FAM135B: variants seen among roughly 807,000 people sequenced by gnomAD.
FAM135B encodes the protein family with sequence similarity 135 member B.
FAM135B carries 43 observed loss-of-function variants against 127.7 expected under a neutral mutation model. That is an observed-to-expected ratio of 0.34 (90% CI 0.26 to 0.43). The LOEUF is 0.43. Ranked by LOEUF, FAM135B falls within the 20% of genes least tolerant of loss-of-function variation. FAM135B has a pLI of 1.00. For missense variants in FAM135B, 1,558 were observed against 1,725.6 expected, an observed-to-expected ratio of 0.90 and a Z score of 1.72; for synonymous variants, 670 against 665.1, an observed-to-expected ratio of 1.01 and a Z score of -0.11.
Position 138,395,580 on chromosome 8 carries a change from T to C in FAM135B, c.-19-27578A>G, listed in dbSNP as rs151172634. On this transcript the variant is annotated intron_variant, in intron 1 of 19. Transcript: ENST00000395297. Reference sequence around the variant, plus strand: ...GCAAAGATGGGATTAATTTAGTCTTTCTAGGTCCCAAGTGGGTCTCCTTGG... The same window carrying C: ...GCAAAGATGGGATTAATTTAGTCTTCCTAGGTCCCAAGTGGGTCTCCTTGG... Among the ~76,000 whole-genome samples, 190 of 152,296 alleles carry C rather than the reference T, an allele frequency of 1.2e-3. 2 individuals carry two copies. Among genetic ancestry groups the C allele is most frequent in the African/African-American group, 4.3e-3 (179 of 41,558 alleles).
rs2130738807 is a variant in FAM135B, at chr8:138,151,682, T to C, written c.2793A>G (p.Gln931=). Reference sequence around the variant, plus strand: ...TACAGCTCAATTCAGGCACCTGATGTTGAGAGAGACCCTCAACCTCTGAGA... The same window carrying C: ...TACAGCTCAATTCAGGCACCTGATGCTGAGAGAGACCCTCAACCTCTGAGA... The part of the protein sequence containing the change: ...SGISEVEGLS[Q]HQVPELSCTS... The change falls in exon 13 of 20, where the codon CAA becomes CAG. Residue 931 remains glutamine (Q), a synonymous_variant. Coordinates refer to ENST00000395297, the MANE Select transcript of FAM135B (RefSeq NM_015912.4). 6.2e-7 allele frequency: 1 copy of C among 1,614,196 alleles called. No individual in the cohort carries two copies. The highest frequency in any genetic ancestry group is 8.5e-7 in the Non-Finnish European group (1 of 1,180,048).
At chr8:138,206,486 GCTCTATCATCCCCTCGACCTACCCACA>G (rs1817637307) in intron 7 of FAM135B, among the ~76,000 whole-genome samples, 1 of 10,370 alleles carries the variant, frequency 9.6e-5, no homozygotes, top group African/African-American at 3.5e-4. Flanking sequence ...CCTACACACA[GCTCTATCATCCCCTCGACCTACCCACA>G]GCTCTATCAT....
chr8:138,378,739 T>C (rs2131273896), intron 1 of FAM135B, among the ~76,000 whole-genome samples: 1 of 152,248 alleles, frequency 6.6e-6, no homozygotes, highest in Admixed American at 6.5e-5. Flanking sequence ...GTTTGCTTTT[T>C]TTTTTTCACA....
At chr8:138,478,592 T>C (rs1037270255) in intron 1 of FAM135B, among the ~76,000 whole-genome samples, 2 of 152,120 alleles carry the variant, frequency 1.3e-5, no homozygotes, top group African/African-American at 4.8e-5. Context: ...CAACATAGTG[T>C]TGAAGGGTGC....
intron 1 of FAM135B, among the ~76,000 whole-genome samples, chr8:138,445,072 C>G (rs563169739): frequency 6.6e-6 from 1 of 151,164 alleles, no homozygotes; most frequent in African/African-American, 2.4e-5. Context: ...ATAAATTCCT[C>G]GACACATACA....
At chr8:138,225,473 AC>A (rs1819351245) in intron 7 of FAM135B, among the ~76,000 whole-genome samples, 2 of 147,676 alleles carry the variant, frequency 1.4e-5, no homozygotes, top group South Asian at 2.1e-4. Flanking sequence ...AAACAAAAAA[AC>A]AAAAAAAACA....
At chr8:138,473,725 C>T (rs1814211135) in intron 1 of FAM135B, among the ~76,000 whole-genome samples, 1 of 152,100 alleles carries the variant, frequency 6.6e-6, no homozygotes, top group South Asian at 2.1e-4. Context: ...GAGATCAGCC[C>T]AGTCACCAGC....
intron 3 of FAM135B, among the ~76,000 whole-genome samples, chr8:138,309,734 C>T (rs1430590493): frequency 2.0e-5 from 3 of 152,236 alleles, no homozygotes; most frequent in South Asian, 2.1e-4. Context: ...ACTCTTAGCT[C>T]TACTGAACTG....
At chr8:138,170,381 C>A (rs1209481586) in intron 11 of FAM135B, among the ~76,000 whole-genome samples, 2 of 152,028 alleles carry the variant, frequency 1.3e-5, no homozygotes, top group African/African-American at 2.4e-5. Flanking sequence ...TGCCATCACA[C>A]CTGGCTAATT....
chr8:138,434,582 T>C (rs1835362471), intron 1 of FAM135B, among the ~76,000 whole-genome samples: 1 of 152,194 alleles, frequency 6.6e-6, no homozygotes, highest in Non-Finnish European at 1.5e-5. Flanking sequence ...CCAGCTTACC[T>C]AGCTACAGTG....
chr8:138,166,328 T>C (rs931818191), intron 12 of FAM135B, among the ~76,000 whole-genome samples: 19 of 152,214 alleles, frequency 1.2e-4, no homozygotes, highest in African/African-American at 4.6e-4. Context: ...CTTGACCTCT[T>C]GCCCACTCCC....
chr8:138,266,777 T>TAC (rs754336924), intron 3 of FAM135B, among the ~76,000 whole-genome samples: 1,755 of 7,446 alleles, frequency 0.24, 51 homozygotes, highest in Admixed American at 0.46. Context: ...TACATATATA[T>TAC]ACACACACAC....
chr8:138,287,146 A>T (rs1033955004), intron 3 of FAM135B, among the ~76,000 whole-genome samples: 2 of 152,222 alleles, frequency 1.3e-5, no homozygotes, highest in Non-Finnish European at 2.9e-5. Context: ...TTTCTACATG[A>T]TATACCCAAA....
intron 4 of FAM135B, 30 bp downstream of exon 4, chr8:138,265,673 C>T (rs1182038389): frequency 6.2e-7 from 1 of 1,612,962 alleles, no homozygotes; most frequent in Non-Finnish European, 8.5e-7. Flanking sequence ...GGAACAGCTA[C>T]TTGTGGCTGG....
At chr8:138,226,938 C>T (rs1010041342) in intron 7 of FAM135B, among the ~76,000 whole-genome samples, 5 of 152,196 alleles carry the variant, frequency 3.3e-5, no homozygotes, top group African/African-American at 1.2e-4. Flanking sequence ...CTCAAATGAT[C>T]TGCCTGCTTC....
intron 1 of FAM135B, chr8:138,441,682 C>T (rs1002934645): frequency 1.3e-5 from 2 of 152,038 alleles, no homozygotes; most frequent in Non-Finnish European, 2.9e-5. Context: ...TCTTTTGTGA[C>T]TTCCCTTCCA....
intron 4 of FAM135B, among the ~76,000 whole-genome samples, chr8:138,259,995 T>G (rs774503088): frequency 2.0e-5 from 3 of 152,206 alleles, no homozygotes; most frequent in Non-Finnish European, 4.4e-5. Context: ...AGGGTCTCTT[T>G]GCAGGAGCCA....
chr8:138,417,604 C>A (rs1834241223), intron 1 of FAM135B, among the ~76,000 whole-genome samples: 2 of 152,160 alleles, frequency 1.3e-5, no homozygotes, highest in South Asian at 4.1e-4. Flanking sequence ...GACACCTTGG[C>A]TCCTCCAACA....
intron 13 of FAM135B, among the ~76,000 whole-genome samples, chr8:138,149,253 C>A (rs547181811): frequency 6.6e-6 from 1 of 152,112 alleles, no homozygotes; most frequent in South Asian, 2.1e-4. Context: ...CTGCATTGAA[C>A]AGGAGACAGA....
Sources: gnomAD v4.1 joint callset for allele counts (sites outside exome capture counted in the v4.1 genomes callset) on GRCh38, gnomAD v4.1.1 for gene constraint, MANE v1.5 for transcripts, NCBI Gene and HGNC (gene_info 2026-07-23, HGNC 2026-07-21) for gene names.